Variants in UNC13C observed in about 807,000 individuals in gnomAD.
The protein encoded by UNC13C is protein unc-13 homolog C.
UNC13C carries 174 observed loss-of-function variants against 245.4 expected under a neutral mutation model. The ratio of observed to expected loss-of-function variants is 0.71; its 90% confidence interval spans 0.63 to 0.80. UNC13C has a LOEUF of 0.80. UNC13C is among the 30% of genes least tolerant of loss of function. The probability of loss-of-function intolerance (pLI) is 0.00; values close to 1 mark genes in which losing one functional copy is unlikely to be tolerated. For missense variants in UNC13C, 2,829 were observed against 2,602.9 expected (o/e 1.09, Z -1.89); for synonymous variants, 992 against 895.1 (o/e 1.11, Z -1.93).
At chr15:53,900,495 G>A in the UNC13C span, among the ~76,000 whole-genome samples, 1 of 152,306 alleles carries the variant, frequency 6.6e-6, no homozygotes, top group East Asian at 1.9e-4. Context: ...GTAAAAGCAA[G>A]AGTAATGACA....
At chr15:54,057,250 A>G (rs946143080) in intron 2 of UNC13C, among the ~76,000 whole-genome samples, 1 of 151,736 alleles carries the variant, frequency 6.6e-6, no homozygotes, top group Non-Finnish European at 1.5e-5. Flanking sequence ...GGCTCAAAAT[A>G]AAGGGATGGA....
intron 2 of UNC13C, chr15:54,049,043 G>C (rs1293660474): frequency 7.7e-6 from 3 of 387,592 alleles, no homozygotes; most frequent in Non-Finnish European, 1.5e-5. Flanking sequence ...TCACAGAAGT[G>C]ATATAGATAT....
the UNC13C span, among the ~76,000 whole-genome samples, chr15:53,865,361 T>G: frequency 1.3e-5 from 2 of 152,148 alleles, no homozygotes; most frequent in African/African-American, 4.8e-5. Context: ...AAATCCAAGA[T>G]CAAGGTGTCA....
At chr15:54,491,852 TGGTAGCGG>T (rs1043358737) in intron 19 of UNC13C, among the ~76,000 whole-genome samples, 3 of 151,976 alleles carry the variant, frequency 2.0e-5, no homozygotes, top group Non-Finnish European at 4.4e-5. Flanking sequence ...TAGCCGGGCG[TGGTAGCGG>T]GCGCCTGTAA....
intron 4 of UNC13C, among the ~76,000 whole-genome samples, chr15:54,155,778 T>C (rs1157247051): frequency 6.6e-6 from 1 of 152,146 alleles, no homozygotes; most frequent in Non-Finnish European, 1.5e-5. Flanking sequence ...AGTGCAGACT[T>C]TATGGAGAAG....
intron 7 of UNC13C, among the ~76,000 whole-genome samples, chr15:54,245,235 A>G (rs2035960924): frequency 6.6e-6 from 1 of 152,182 alleles, no homozygotes; most frequent in Non-Finnish European, 1.5e-5. Context: ...TTGGGAAAAA[A>G]GAACATTTAT....
At chr15:54,160,185 A>G (rs2032918051) in intron 4 of UNC13C, among the ~76,000 whole-genome samples, 1 of 151,868 alleles carries the variant, frequency 6.6e-6, no homozygotes, top group Non-Finnish European at 1.5e-5. Context: ...TTTGCTTGGG[A>G]AAAATATGAA....
chr15:54,278,022 T>C (rs555358167), intron 10 of UNC13C, among the ~76,000 whole-genome samples: 55 of 152,236 alleles, frequency 3.6e-4, no homozygotes, highest in African/African-American at 1.3e-3. Context: ...TTTCTGTTTA[T>C]GGAAAAGGGA....
At chr15:54,287,091 G>A (rs1428231258) in intron 10 of UNC13C, among the ~76,000 whole-genome samples, 2 of 152,092 alleles carry the variant, frequency 1.3e-5, no homozygotes, top group Non-Finnish European at 2.9e-5. Context: ...TTCACAAACT[G>A]GTAAACCCTA....
chr15:54,553,188 ATT>A lies in UNC13C; in HGVS notation c.5878-2243_5878-2242del, dbSNP rs1470825342. 4.4e-5 allele frequency among the ~76,000 whole-genome samples: 5 copies of A among 114,722 alleles called. No individual in the cohort carries two copies. The East Asian group carries it at 1.0e-3, about 23-fold the overall frequency. The allele number at this position is 114,722 out of a possible 152,430, so 75.3% of individuals were successfully genotyped here. ...TACTGTATTCTATATTACAATATAT[ATT>A]ATATACTGTATTCTATATTACAATA... On this transcript the variant is annotated intron_variant, in intron 28 of 32. Coordinates refer to ENST00000260323, the MANE Select transcript of UNC13C (RefSeq NM_001080534.3).
chr15:54,337,733 A>T (rs1000342664), intron 16 of UNC13C, among the ~76,000 whole-genome samples: 5 of 152,166 alleles, frequency 3.3e-5, no homozygotes, highest in African/African-American at 1.2e-4. Context: ...AGGGAGCCTT[A>T]TAAAAGTTAG....
intron 2 of UNC13C, among the ~76,000 whole-genome samples, chr15:54,065,222 T>C (rs576489479): frequency 6.6e-6 from 1 of 152,290 alleles, no homozygotes; most frequent in South Asian, 2.1e-4. Flanking sequence ...TCTCTGTTGG[T>C]GGCCTGCCTT....
intron 19 of UNC13C, among the ~76,000 whole-genome samples, chr15:54,421,320 A>G (rs1263415179): frequency 6.6e-6 from 1 of 152,024 alleles, no homozygotes; most frequent in Non-Finnish European, 1.5e-5. Context: ...CTGTATTACT[A>G]GAAGAATGCT....
chr15:53,917,157 T>C, the UNC13C span, among the ~76,000 whole-genome samples: 1 of 152,172 alleles, frequency 6.6e-6, no homozygotes. Context: ...ATCTTGTTCT[T>C]CCCCACACTA....
At chr15:54,390,443 C>T (rs757516404) in intron 17 of UNC13C, among the ~76,000 whole-genome samples, 3 of 152,020 alleles carry the variant, frequency 2.0e-5, no homozygotes, top group Admixed American at 6.6e-5. Flanking sequence ...AAAAAATTAC[C>T]TCCCCATTAT....
chr15:54,015,291 A>G lies in UNC13C; in HGVS notation c.2388A>G (p.Lys796=), dbSNP rs370563373. Residue 796 remains lysine (K), a synonymous_variant, in exon 2 of 33, where the codon AAA becomes AAG. Coordinates refer to ENST00000260323, the MANE Select transcript of UNC13C (RefSeq NM_001080534.3). ...DLSDKTFSFP[K]FGSTLQRAKS... The stretch of plus-strand genomic sequence containing the variant: ...CTGATAAGACTTTCAGCTTCCCAAA[A>G]TTTGGATCTACACTGCAGAGGGCTA... The G allele has an allele frequency of 4.9e-4, 751 of 1,520,632 alleles. 9 individuals are homozygous for G. In the South Asian group the frequency reaches 9.4e-3, roughly 19 times the overall value. The allele number at this position is 1,520,632 out of a possible 1,614,324, so 94.2% of individuals were successfully genotyped here.
At chr15:54,525,958 C>T (rs1268733392) in intron 25 of UNC13C, among the ~76,000 whole-genome samples, 1 of 152,098 alleles carries the variant, frequency 6.6e-6, no homozygotes, top group Non-Finnish European at 1.5e-5. Flanking sequence ...GTGTTTAGAG[C>T]TGGGTGACTG....
intron 17 of UNC13C, among the ~76,000 whole-genome samples, chr15:54,365,734 C>T (rs1056160534): frequency 1.3e-5 from 2 of 150,702 alleles, no homozygotes; most frequent in African/African-American, 4.9e-5. Flanking sequence ...TCCTCACTGG[C>T]ACTGCTCCCC....
intron 1 of UNC13C, among the ~76,000 whole-genome samples, chr15:54,002,383 T>G (rs1455838814): frequency 6.6e-6 from 1 of 152,174 alleles, no homozygotes; most frequent in African/African-American, 2.4e-5. Context: ...TCTAGCTTTT[T>G]TTTTTCTCTT....
Sources: gnomAD v4.1 joint callset for allele counts (sites outside exome capture counted in the v4.1 genomes callset) on GRCh38, gnomAD v4.1.1 for gene constraint, MANE v1.5 for transcripts, NCBI Gene and HGNC (gene_info 2026-07-23, HGNC 2026-07-21) for gene names.